The following PHACTR4 variants were observed in gnomAD, a reference collection of about 807,000 sequenced individuals.
The protein encoded by PHACTR4 is protein phosphatase 1, regulatory subunit 124.
In PHACTR4, 51 loss-of-function variants were observed where a neutral mutation model predicts 72.7. The ratio of observed to expected loss-of-function variants is 0.70; its 90% CI spans 0.56 to 0.89. The LOEUF (loss-of-function observed/expected upper bound fraction) is 0.89, where lower values mean the gene tolerates loss of function less well. PHACTR4 is among the 40% of genes least tolerant of loss of function. The pLI is 0.00. For missense variants in PHACTR4, 731 were observed against 861.8 expected (o/e 0.85, Z 1.90); for synonymous variants, 255 against 302.5 (o/e 0.84, Z 1.63).
At chr1:28,450,257 C>T (rs1657842216) in intron 2 of PHACTR4, among the ~76,000 whole-genome samples, 1 of 152,088 alleles carries the variant, frequency 6.6e-6, no homozygotes, top group East Asian at 1.9e-4. Context: ...GCATCCTACA[C>T]CCTGATTTCT....
At chr1:28,469,282 A>G (rs1308192188) in intron 6 of PHACTR4, among the ~76,000 whole-genome samples, 3 of 152,216 alleles carry the variant, frequency 2.0e-5, no homozygotes, top group Admixed American at 1.3e-4. Context: ...GAGGTTGATC[A>G]AGATTTTTGT....
At chr1:28,416,109 T>C (rs527368883) in intron 2 of PHACTR4, among the ~76,000 whole-genome samples, 22 of 152,280 alleles carry the variant, frequency 1.4e-4, no homozygotes, top group Non-Finnish European at 2.9e-4. Context: ...CTCCCTCCTC[T>C]TTAAGAATGA....
chr1:28,397,104 G>T (rs533442797), intron 1 of PHACTR4, among the ~76,000 whole-genome samples: 3 of 152,164 alleles, frequency 2.0e-5, no homozygotes, highest in South Asian at 2.1e-4. Flanking sequence ...TAGACATTGT[G>T]TATTTTGATC....
At chr1:28,385,310 G>A (rs1339273828) in intron 1 of PHACTR4, among the ~76,000 whole-genome samples, 1 of 151,918 alleles carries the variant, frequency 6.6e-6, no homozygotes, top group Non-Finnish European at 1.5e-5. Flanking sequence ...TTGGTAGGCC[G>A]AGGCAGGTGG....
At chr1:28,411,478 C>T (rs758053507) in intron 2 of PHACTR4, among the ~76,000 whole-genome samples, 9 of 152,132 alleles carry the variant, frequency 5.9e-5, no homozygotes, top group Middle Eastern at 3.2e-3. Flanking sequence ...ATTTTTCCTT[C>T]TAAATGTTAT....
In PHACTR4 at chr1:28,416,722, GTCA is replaced by G. The variant is rs147023065; in HGVS notation, c.16+9261_16+9263del. 3.9e-3 allele frequency among the ~76,000 whole-genome samples: 587 copies of G among 152,284 alleles called. 3 individuals carry two copies. Among genetic ancestry groups the G allele is most frequent in the African/African-American group, 0.013 (541 of 41,552 alleles). On this transcript the variant is annotated intron_variant, in intron 2 of 13. Coordinates refer to ENST00000373839, the MANE Select transcript of PHACTR4 (RefSeq NM_001048183.3). ...CTGCAAACTGAGCCCTTATCAATGTGTCATGCACCCTGGACAGACGATGATATA... is the reference window on the plus strand; with the variant it reads ...CTGCAAACTGAGCCCTTATCAATGTGTGCACCCTGGACAGACGATGATATA...
At chr1:28,395,161 C>T (rs1006574926) in intron 1 of PHACTR4, among the ~76,000 whole-genome samples, 2 of 152,138 alleles carry the variant, frequency 1.3e-5, no homozygotes, top group Non-Finnish European at 2.9e-5. Context: ...GATCTGCCTG[C>T]CTTGGCCTCC....
chr1:28,466,236 G>T, intron 5 of PHACTR4, 146 bp from the exon 6 acceptor site: 1 of 860,498 alleles, frequency 1.2e-6, no homozygotes, highest in Non-Finnish European at 1.8e-6. Context: ...AGTATGGGGA[G>T]GTTGGGAGGC....
chr1:28,476,772 C>CTTTTTTTTTTTTTTTT (rs35369238), intron 8 of PHACTR4, among the ~76,000 whole-genome samples: 2,162 of 97,814 alleles, frequency 0.022, 308 homozygotes, highest in Non-Finnish European at 0.028. Context: ...CTAGCCTGTT[C>CTTTTTTTTTTTTTTTT]TTTTTTTTTT....
chr1:28,435,211 A>G (rs967223619), intron 2 of PHACTR4, among the ~76,000 whole-genome samples: 2 of 152,322 alleles, frequency 1.3e-5, no homozygotes, highest in Non-Finnish European at 2.9e-5. Flanking sequence ...CAGGAACATT[A>G]CAAAGCACTT....
intron 10 of PHACTR4, among the ~76,000 whole-genome samples, chr1:28,490,616 C>T (rs571496230): frequency 1.9e-4 from 29 of 151,768 alleles, no homozygotes; most frequent in African/African-American, 6.0e-4. Flanking sequence ...AAGGCCGAGG[C>T]GGGTGGATCA....
intron 1 of PHACTR4, among the ~76,000 whole-genome samples, chr1:28,385,773 G>A (rs1025216156): frequency 1.3e-5 from 2 of 149,916 alleles, no homozygotes; most frequent in Non-Finnish European, 3.0e-5. Context: ...GTGCCACCAC[G>A]CCCAGCTAAT....
Position 28,395,622 on chromosome 1 carries a change from CTT to C in PHACTR4, c.-38-11785_-38-11784del, listed in dbSNP as rs1264602885. Among the ~76,000 whole-genome samples, 4 of 145,294 alleles carry C rather than the reference CTT, an allele frequency of 2.8e-5. No homozygotes were observed. The South Asian group carries it at 8.6e-4, about 31-fold the overall frequency. ...TTGAATATTTGTGCTTAAAAACAAACTTTTCTTAAGCATAACTTTTTTTTTTT... is the reference window on the plus strand; with the variant it reads ...TTGAATATTTGTGCTTAAAAACAAACTTCTTAAGCATAACTTTTTTTTTTT... On this transcript the variant is annotated intron_variant, in intron 1 of 13. Coordinates refer to ENST00000373839, the MANE Select transcript of PHACTR4 (RefSeq NM_001048183.3).
intron 9 of PHACTR4, among the ~76,000 whole-genome samples, chr1:28,482,934 G>A (rs1411269091): frequency 7.1e-6 from 1 of 141,460 alleles, no homozygotes; most frequent in African/African-American, 2.7e-5. Context: ...GCAAAACCCT[G>A]TCTCAAAAAA....
intron 4 of PHACTR4, 81 bp downstream of exon 4, chr1:28,460,373 T>C: frequency 1.1e-5 from 11 of 1,045,566 alleles, no homozygotes; most frequent in Non-Finnish European, 1.4e-5. Flanking sequence ...TTGAATTTTC[T>C]TTCTTTCTTT....
chr1:28,379,544 G>A (rs1651970174), intron 1 of PHACTR4, among the ~76,000 whole-genome samples: 1 of 151,414 alleles, frequency 6.6e-6, no homozygotes, highest in Non-Finnish European at 1.5e-5. Context: ...AGAGTGCTAG[G>A]ATTACAGGTG....
chr1:28,408,520 C>T (rs1654527911), intron 2 of PHACTR4, among the ~76,000 whole-genome samples: 1 of 152,092 alleles, frequency 6.6e-6, no homozygotes, highest in Admixed American at 6.5e-5. Context: ...GATCATGCCA[C>T]TGCACTCCAG....
Position 28,496,826 on chromosome 1 carries a change from C to G in PHACTR4, c.*277C>G. 1.9e-6 allele frequency: 1 copy of G among 528,342 alleles called. No individual in the cohort carries two copies. Among genetic ancestry groups the G allele is most frequent in the Non-Finnish European group, 3.4e-6 (1 of 293,768 alleles). 32.7% of individuals were successfully genotyped at this position (528,342 alleles called of 1,614,324 possible). A position where few individuals can be genotyped will look rare whatever the true frequency, so the allele number is the denominator to read the frequency against. On this transcript the variant is annotated 3_prime_UTR_variant, in exon 14 of 14. Transcript: ENST00000373839. ...TACTGGCCACCAAAGTTCTGAACCACTTGCAGGTTCCAGGTTTTACTGGCT... is the reference window on the plus strand; with the variant it reads ...TACTGGCCACCAAAGTTCTGAACCAGTTGCAGGTTCCAGGTTTTACTGGCT...
At chr1:28,491,914 C>T (rs752775359) in intron 12 of PHACTR4, 127 bp downstream of exon 12, 1 of 1,193,480 alleles carries the variant, frequency 8.4e-7, no homozygotes, top group Non-Finnish European at 1.1e-6. Flanking sequence ...TATTAAATTT[C>T]AAATCAAGAT....
Sources: allele counts gnomAD v4.1 joint callset (sites outside exome capture counted in the v4.1 genomes callset), GRCh38; gene constraint gnomAD v4.1.1; transcripts MANE v1.5; gene names NCBI Gene and HGNC (gene_info 2026-07-23, HGNC 2026-07-21).